The following RELCH variants were observed in gnomAD, a reference collection of about 807,000 sequenced individuals.
RELCH encodes the protein RAB11-binding protein RELCH.
A neutral mutation model predicts 150.3 loss-of-function variants in RELCH; 41 were observed. The observed-to-expected ratio is 0.27, with a 90% confidence interval of 0.21 to 0.35. RELCH has a LOEUF of 0.35. RELCH is among the 10% of genes least tolerant of loss of function. RELCH has a pLI of 1.00. For synonymous variants in RELCH, 478 were observed against 531.8 expected (o/e 0.90, Z 1.39); for missense variants, 1,092 against 1,467.8 (o/e 0.74, Z 4.18).
At chr18:62,230,220 C>A (rs1256749742) in intron 8 of RELCH, among the ~76,000 whole-genome samples, 1 of 151,916 alleles carries the variant, frequency 6.6e-6, no homozygotes. Context: ...CCCAGCTACT[C>A]AGGAGGCTGA....
intron 5 of RELCH, among the ~76,000 whole-genome samples, chr18:62,224,291 C>T (rs1177723091): frequency 6.7e-6 from 1 of 150,192 alleles, no homozygotes; most frequent in African/African-American, 2.5e-5. Context: ...CTGCAAAGGA[C>T]ATGAACTCAT....
chr18:62,271,429 G>C (rs1370545543), intron 20 of RELCH, among the ~76,000 whole-genome samples: 1 of 146,988 alleles, frequency 6.8e-6, no homozygotes, highest in Non-Finnish European at 1.5e-5. Flanking sequence ...CACACTTTTT[G>C]ATGGGGTTGT....
intron 25 of RELCH, chr18:62,285,985 A>T (rs2044770698): frequency 6.6e-6 from 1 of 152,154 alleles, no homozygotes; most frequent in African/African-American, 2.4e-5. Context: ...GAAGATCCTT[A>T]ATTAGAGGCT....
intron 28 of RELCH, among the ~76,000 whole-genome samples, chr18:62,301,379 C>T (rs1172454012): frequency 6.6e-6 from 1 of 152,184 alleles, no homozygotes; most frequent in Non-Finnish European, 1.5e-5. Flanking sequence ...TTATTTTAAA[C>T]TTTGGAGACC....
intron 1 of RELCH, among the ~76,000 whole-genome samples, chr18:62,189,148 G>A (rs2038411146): frequency 6.6e-6 from 1 of 151,768 alleles, no homozygotes; most frequent in South Asian, 2.1e-4. Flanking sequence ...TACCCAATAT[G>A]TAGGATAATC....
At chr18:62,225,672 G>A (rs375347819) in intron 5 of RELCH, among the ~76,000 whole-genome samples, 12 of 151,988 alleles carry the variant, frequency 7.9e-5, no homozygotes, top group African/African-American at 2.6e-4. Context: ...TACCTATGAA[G>A]TTTTGGCAAG....
chr18:62,252,372 A>C lies in RELCH; in HGVS notation c.1734-292A>C, dbSNP rs184592119. ...GTCTCTACAAAAAAACACAGAAACT[A>C]TCTGGGCATGGTGGTGAACACTTAT... On this transcript the variant is annotated intron_variant, in intron 11 of 28. Coordinates refer to ENST00000644646, the MANE Select transcript of RELCH (RefSeq NM_001346231.2). Among the ~76,000 whole-genome samples the C allele has an allele frequency of 2.1e-3, 322 of 152,068 alleles. 2 individuals carry two copies. Among genetic ancestry groups the C allele is most frequent in the African/African-American group, 6.7e-3 (279 of 41,484 alleles).
chr18:62,255,483 G>A lies in RELCH; in HGVS notation c.1896+5G>A. 3.8e-6 allele frequency: 6 copies of A among 1,575,522 alleles called. No homozygotes were observed. Among genetic ancestry groups the A allele is most frequent in the Non-Finnish European group, 5.2e-6 (6 of 1,163,614 alleles). ...GCACTGGCACCTTACCTTCCTGTAAGATTGTCTTTTTTTTTTTCTTTAAAC... is the reference window on the plus strand; with the variant it reads ...GCACTGGCACCTTACCTTCCTGTAAAATTGTCTTTTTTTTTTTCTTTAAAC... On this transcript the variant is annotated splice_donor_5th_base_variant and intron_variant, in intron 13 of 28. Coordinates refer to ENST00000644646, the MANE Select transcript of RELCH (RefSeq NM_001346231.2).
intron 2 of RELCH, among the ~76,000 whole-genome samples, chr18:62,219,325 C>CTTTTTTTTTTTTTTTCT (rs2040689972): frequency 1.8e-5 from 2 of 112,878 alleles, no homozygotes; most frequent in African/African-American, 3.4e-5. Context: ...TTCTTTTTTT[C>CTTTTTTTTTTTTTTTCT]TTTTTTTTTT....
At chr18:62,277,662 T>G in intron 22 of RELCH, 1 of 976,750 alleles carries the variant, frequency 1.0e-6, no homozygotes, top group East Asian at 1.1e-4. Context: ...TAGGGTATGG[T>G]CACTGAAATT....
intron 19 of RELCH, 110 bp from the exon 20 acceptor site, chr18:62,268,755 ATACT>A (rs1467549608): frequency 7.8e-6 from 4 of 511,800 alleles, no homozygotes; most frequent in African/African-American, 4.1e-5. Flanking sequence ...AGTAATGATA[ATACT>A]TACTTGTAAC....
chr18:62,275,514 T>A, intron 22 of RELCH, 41 bp downstream of exon 22: 1 of 564,440 alleles, frequency 1.8e-6, no homozygotes, highest in South Asian at 3.3e-5. Context: ...ATTATAATGA[T>A]TTTTTTTTTT....
At chr18:62,261,806 A>C in intron 16 of RELCH, 148 bp downstream of exon 16, 1 of 618,836 alleles carries the variant, frequency 1.6e-6, no homozygotes, top group Non-Finnish European at 2.7e-6. Flanking sequence ...CATGGTCATA[A>C]GATTATACGT....
chr18:62,205,022 T>G (rs931369238), intron 1 of RELCH, among the ~76,000 whole-genome samples: 1 of 152,212 alleles, frequency 6.6e-6, no homozygotes, highest in Non-Finnish European at 1.5e-5. Context: ...AAAGAATTTT[T>G]TACCCATACA....
At position 62,187,793 on chromosome 18, in the gene RELCH, G is replaced by A. The variant is rs2038231879; in HGVS notation, c.288G>A (p.Ala96=). The A allele has an allele frequency of 6.2e-7, 1 of 1,603,140 alleles. No homozygotes were observed. The highest frequency in any genetic ancestry group is 8.5e-7 in the Non-Finnish European group (1 of 1,174,562). Residue 96 remains alanine, a synonymous_variant, in exon 1 of 29, where the codon GCG becomes GCA. Coordinates refer to ENST00000644646, the MANE Select transcript of RELCH (RefSeq NM_001346231.2). ...CCCCGGCCCGATTATCAATTGATGCGATCGCTGCTCAGCTGTTGCGCGATC... is the reference window on the plus strand; with the variant it reads ...CCCCGGCCCGATTATCAATTGATGCAATCGCTGCTCAGCTGTTGCGCGATC... ...GETPARLSID[A]IAAQLLRDQY...
chr18:62,280,577 A>C, intron 23 of RELCH, 69 bp from the exon 24 acceptor site: 1 of 1,330,660 alleles, frequency 7.5e-7, no homozygotes, highest in African/African-American at 1.5e-5. Flanking sequence ...TACTTACTTT[A>C]ATATACATTT....
Position 62,227,509 on chromosome 18 carries a change from A to G in RELCH, c.1062+17A>G, listed in dbSNP as rs759478465. The G allele has an allele frequency of 4.4e-6, 7 of 1,603,950 alleles. No homozygotes were observed. Among genetic ancestry groups the G allele is most frequent in the Non-Finnish European group, 6.0e-6 (7 of 1,171,932 alleles). Reference sequence around the variant, plus strand: ...CCTGCAGAGGTGAGAGATAGCAACTAATTAGTCAAGTCCACAGAAAGTATT... The same window carrying G: ...CCTGCAGAGGTGAGAGATAGCAACTGATTAGTCAAGTCCACAGAAAGTATT... On this transcript the variant is annotated intron_variant, in intron 6 of 28. Coordinates refer to ENST00000644646, the MANE Select transcript of RELCH (RefSeq NM_001346231.2).
At chr18:62,261,765 ATT>A in intron 16 of RELCH, 107 bp downstream of exon 16, 1 of 913,834 alleles carries the variant, frequency 1.1e-6, no homozygotes, top group Non-Finnish European at 1.6e-6. Context: ...TGACAGCATA[ATT>A]TTTAAAATGT....
intron 22 of RELCH, among the ~76,000 whole-genome samples, chr18:62,275,878 G>A (rs1473502678): frequency 6.6e-6 from 1 of 152,008 alleles, no homozygotes; most frequent in Admixed American, 6.6e-5. Flanking sequence ...ATCAATTATT[G>A]AAATTATGGA....
Sources: allele counts gnomAD v4.1 joint callset (sites outside exome capture counted in the v4.1 genomes callset), GRCh38; gene constraint gnomAD v4.1.1; transcripts MANE v1.5; gene names NCBI Gene and HGNC (gene_info 2026-07-23, HGNC 2026-07-21).